Variants in ZNF516 observed in about 807,000 individuals in gnomAD.
ZNF516 encodes zinc finger protein 516.
A neutral mutation model predicts 79.7 loss-of-function variants in ZNF516; 19 were observed. The ratio of observed to expected loss-of-function variants is 0.24; its 90% CI spans 0.17 to 0.35. The LOEUF (loss-of-function observed/expected upper bound fraction) is 0.35, where lower values mean the gene tolerates loss of function less well. Among genes scored for constraint, ZNF516 ranks in the 10% least tolerant of loss-of-function variants. The probability of loss-of-function intolerance (pLI) is 1.00; values close to 1 mark genes in which losing one functional copy is unlikely to be tolerated. For synonymous variants in ZNF516, 877 were observed against 739.5 expected (o/e 1.19, Z -3.02); for missense variants, 1,678 against 1,679.5 (o/e 1.00, Z 0.02).
In ZNF516 at chr18:76,473,641, A is replaced by T. The variant is rs546632732; in HGVS notation, c.-271-10500T>A. 2.7e-4 allele frequency among the ~76,000 whole-genome samples: 41 copies of T among 152,054 alleles called. 1 individual carries two copies. The East Asian group carries it at 7.7e-3, about 29-fold the overall frequency. On this transcript the variant is annotated intron_variant, in intron 1 of 6. Coordinates refer to ENST00000443185, the MANE Select transcript of ZNF516 (RefSeq NM_014643.4). ...ACGGTGAAACCCTGTCTCTACTAAAAATACAAAAAATTATCCAGGCTTGGT... is the reference window on the plus strand; with the variant it reads ...ACGGTGAAACCCTGTCTCTACTAAATATACAAAAAATTATCCAGGCTTGGT...
intron 3 of ZNF516, among the ~76,000 whole-genome samples, chr18:76,437,330 G>C (rs981048107): frequency 2.0e-5 from 3 of 152,148 alleles, no homozygotes; most frequent in Admixed American, 1.3e-4. Flanking sequence ...GATGGGCTCT[G>C]AGGACGGGGC....
chr18:76,442,073 C>T lies in ZNF516; in HGVS notation c.982G>A (p.Val328Ile). The T allele has an allele frequency of 6.2e-7, 1 of 1,613,996 alleles. No individual in the cohort carries two copies. Among genetic ancestry groups the T allele is most frequent in the South Asian group, 1.1e-5 (1 of 91,086 alleles). ...ACCTCGTAGAGGCTCAGGCCGGCGACGATCACCTCCTCCTGGACCACGTTG... is the reference window on the plus strand; with the variant it reads ...ACCTCGTAGAGGCTCAGGCCGGCGATGATCACCTCCTCCTGGACCACGTTG... ...INNVVQEEVI[V>I]AGLSLYEVCA... Residue 328 changes from valine to isoleucine, a missense_variant, in exon 3 of 7, where the codon GTC becomes ATC. Physicochemically the swap from Val to Ile is conservative, Grantham distance 29 (BLOSUM62 3). Around this residue, in one of 5 missense-constraint regions of ZNF516, gnomAD observed 1,294 missense variants for 1,248.3 expected, o/e 1.04. Transcript: ENST00000443185.
chr18:76,369,785 C>T (rs1378755809), intron 6 of ZNF516, among the ~76,000 whole-genome samples: 2 of 152,128 alleles, frequency 1.3e-5, no homozygotes, highest in Non-Finnish European at 2.9e-5. Context: ...TGGAGAAAGC[C>T]AGAATGTTAC....
At chr18:76,480,561 C>CGACA (rs1914467490) in intron 1 of ZNF516, among the ~76,000 whole-genome samples, 1 of 149,638 alleles carries the variant, frequency 6.7e-6, no homozygotes, top group East Asian at 2.0e-4. Context: ...CTTGCTCTGT[C>CGACA]GCCCAGACTG....
intron 1 of ZNF516, among the ~76,000 whole-genome samples, chr18:76,469,694 G>A (rs568962308): frequency 1.3e-5 from 2 of 152,170 alleles, no homozygotes; most frequent in African/African-American, 4.8e-5. Context: ...ATCTTCTTCC[G>A]TTAGAAAGTC....
Position 76,367,918 on chromosome 18 carries a change from TTAAG to T in ZNF516, c.3432+2606_3432+2609del, listed in dbSNP as rs2074642103. Among the ~76,000 whole-genome samples, 3 of 152,170 alleles carry T rather than the reference TTAAG, an allele frequency of 2.0e-5. No homozygotes were observed. The South Asian group carries it at 6.2e-4, about 32-fold the overall frequency. Reference sequence around the variant, plus strand: ...GTATATCTATAAAAGTCCATTGACTTTAAGTGTCACATCAAATAATTTCTGCATG... The same window carrying T: ...GTATATCTATAAAAGTCCATTGACTTTGTCACATCAAATAATTTCTGCATG... On this transcript the variant is annotated intron_variant, in intron 6 of 6. Coordinates refer to ENST00000443185, the MANE Select transcript of ZNF516 (RefSeq NM_014643.4).
chr18:76,392,823 T>C (rs1158928317), intron 3 of ZNF516, among the ~76,000 whole-genome samples: 8 of 52,736 alleles, frequency 1.5e-4, no homozygotes, highest in Non-Finnish European at 2.0e-4. Context: ...AGGCAGGTAG[T>C]CAGGTGGGAA....
intron 1 of ZNF516, chr18:76,492,322 G>A (rs1477953073): frequency 4.1e-6 from 4 of 985,362 alleles, no homozygotes; most frequent in Non-Finnish European, 4.8e-6. Context: ...TCCTGAGAAA[G>A]TCGGTGCCAC....
intron 3 of ZNF516, among the ~76,000 whole-genome samples, chr18:76,435,937 G>A (rs1234517301): frequency 6.6e-6 from 1 of 152,264 alleles, no homozygotes; most frequent in Non-Finnish European, 1.5e-5. Flanking sequence ...AGGGAGCCCT[G>A]TCAGGCCTGG....
chr18:76,449,628 A>C (rs978559435), intron 2 of ZNF516, among the ~76,000 whole-genome samples: 1 of 152,248 alleles, frequency 6.6e-6, no homozygotes, highest in African/African-American at 2.4e-5. Flanking sequence ...CTATTTTATC[A>C]TACTCCAGTA....
intron 3 of ZNF516, among the ~76,000 whole-genome samples, chr18:76,417,225 T>C (rs916582957): frequency 2.0e-5 from 3 of 152,168 alleles, no homozygotes; most frequent in Non-Finnish European, 4.4e-5. Flanking sequence ...AAGAACAGGC[T>C]CTCCCTGTCC....
In ZNF516 at chr18:76,361,287, ATT is replaced by A. The variant is rs1224569494; in HGVS notation, c.*1209_*1210del. 2 of 152,242 alleles carry A rather than the reference ATT, an allele frequency of 1.3e-5. No homozygotes were observed. Among genetic ancestry groups the A allele is most frequent in the Non-Finnish European group, 2.9e-5 (2 of 68,042 alleles). 9.4% of individuals were successfully genotyped at this position (152,242 alleles called of 1,614,324 possible). ...TTTATATCTGTGGAATACCATTTCA[ATT>A]GCGTACACTGCATGGTTTAAGATCC... On this transcript the variant is annotated 3_prime_UTR_variant, in exon 7 of 7. Transcript: ENST00000443185.
At chr18:76,487,201 G>T (rs906495125) in intron 1 of ZNF516, among the ~76,000 whole-genome samples, 2 of 152,060 alleles carry the variant, frequency 1.3e-5, no homozygotes, top group African/African-American at 4.8e-5. Flanking sequence ...GTATACCATC[G>T]GAAAACATCT....
intron 3 of ZNF516, among the ~76,000 whole-genome samples, chr18:76,422,731 G>A (rs1376946726): frequency 1.3e-5 from 2 of 152,028 alleles, no homozygotes; most frequent in Admixed American, 1.3e-4. Flanking sequence ...GGCATGGGAG[G>A]AGAAGATATG....
Position 76,441,562 on chromosome 18 carries a change from G to A in ZNF516, c.1493C>T (p.Ala498Val). ...TGCGGCCCTGCGGTTGGGGCGCGCG[G>A]CCGAGCGGGGATCGAGGTGGCCGGC... ...APAGHLDPRS[A>V]ARPNRRAAAT... Residue 498 changes from alanine to valine, a missense_variant, in exon 3 of 7, where the codon GCC (alanine) becomes GTC (valine). Ala to Val is a moderately conservative substitution (Grantham distance 64, BLOSUM62 0). Coordinates refer to ENST00000443185, the MANE Select transcript of ZNF516 (RefSeq NM_014643.4). 6.7e-7 allele frequency: 1 copy of A among 1,490,186 alleles called. No homozygotes were observed. Among genetic ancestry groups the A allele is most frequent in the East Asian group, 2.7e-5 (1 of 36,958 alleles). The allele number at this position is 1,490,186 out of a possible 1,614,324, so 92.3% of individuals were successfully genotyped here. A position where few individuals can be genotyped will look rare whatever the true frequency, so the allele number is the denominator to read the frequency against.
intron 2 of ZNF516, among the ~76,000 whole-genome samples, chr18:76,449,430 G>A (rs1912261452): frequency 6.6e-6 from 1 of 152,162 alleles, no homozygotes. Flanking sequence ...CAGCCTTCCT[G>A]ACCTCCTTCA....
At position 76,451,175 on chromosome 18, in the gene ZNF516, CCTAT is replaced by C. The variant is rs1479488290; in HGVS notation, c.-157-7968_-157-7965del. Among the ~76,000 whole-genome samples, 3 of 152,148 alleles carry C rather than the reference CCTAT, an allele frequency of 2.0e-5. No individual in the cohort carries two copies. The highest frequency in any genetic ancestry group is 4.4e-5 in the Non-Finnish European group (3 of 68,030). On this transcript the variant is annotated intron_variant, in intron 2 of 6. Coordinates refer to ENST00000443185, the MANE Select transcript of ZNF516 (RefSeq NM_014643.4). This position sits in a 1 kb window ranked among gnomAD's most constrained non-coding sequence, Gnocchi z 6.0. ...TGAAGTGGGTGCTGCTTTCCAAATG[CCTAT>C]CTAGCTTGGCATTTTTTTCAGTTCT...
In ZNF516 at chr18:76,360,642, A is replaced by ATATATATAT. The variant is rs1269370085; in HGVS notation, c.*1855_*1856insATATATATA. On this transcript the variant is annotated 3_prime_UTR_variant, in exon 7 of 7. Transcript: ENST00000443185. The stretch of plus-strand genomic sequence containing the variant: ...TCAGAAAAAAATAAGTAAAAAAAAA[A>ATATATATAT]AAAAATATATATATATATATATATA... The ATATATATAT allele has an allele frequency of 1.0e-4, 11 of 107,034 alleles. No individual in the cohort carries two copies. The highest frequency in any genetic ancestry group is 1.6e-4 in the Non-Finnish European group (8 of 50,124). The allele number at this position is 107,034 out of a possible 1,614,324, so 6.6% of individuals were successfully genotyped here.
In ZNF516 at chr18:76,459,389, G is replaced by A. The variant is rs1373347782; in HGVS notation, c.-158+3639C>T. On this transcript the variant is annotated intron_variant, in intron 2 of 6. Transcript: ENST00000443185. The surrounding 1 kb of genome is among the most constrained non-coding windows in gnomAD (Gnocchi z 5.0). The stretch of plus-strand genomic sequence containing the variant: ...CCCACAGGCACCCAAGCTCTCTGAG[G>A]ACAGCCGTCCTAGCTTCCTTCGTGG... Among the ~76,000 whole-genome samples, 1 of 152,184 alleles carries A rather than the reference G, an allele frequency of 6.6e-6. No homozygotes were observed. Among genetic ancestry groups the A allele is most frequent in the Non-Finnish European group, 1.5e-5 (1 of 68,032 alleles).
Sources: allele counts gnomAD v4.1 joint callset (sites outside exome capture counted in the v4.1 genomes callset), GRCh38; gene constraint gnomAD v4.1.1; regional missense constraint gnomAD v4.1.1; non-coding constraint Gnocchi (gnomAD v3.1); transcripts MANE v1.5; gene names NCBI Gene and HGNC (gene_info 2026-07-23, HGNC 2026-07-21).